Variants in CDYL2 observed in about 807,000 individuals in gnomAD.
The protein encoded by CDYL2 is chromodomain Y like 2.
A neutral mutation model predicts 49.4 loss-of-function variants in CDYL2; 23 were observed. That is an observed-to-expected ratio of 0.47 (90% CI 0.34 to 0.66). The LOEUF is 0.66. CDYL2 is among the 30% of genes least tolerant of loss of function. The pLI, the probability that CDYL2 is intolerant of heterozygous loss-of-function variation, is 0.01. For synonymous variants in CDYL2, 360 were observed against 268.8 expected, an observed-to-expected ratio of 1.34 and a Z score of -3.32; for missense variants, 678 against 656.4, an observed-to-expected ratio of 1.03 and a Z score of -0.36.
rs369550037 is a variant in CDYL2, at chr16:80,766,582, A to G, written c.24+37568T>C. On this transcript the variant is annotated intron_variant, in intron 1 of 6. Coordinates refer to ENST00000570137, the MANE Select transcript of CDYL2 (RefSeq NM_152342.4). ...AATAACCCAATCCCAATACAACCCAATGAGGCAGGCACTACTCTTACTCAA... is the reference window on the plus strand; with the variant it reads ...AATAACCCAATCCCAATACAACCCAGTGAGGCAGGCACTACTCTTACTCAA... Among the ~76,000 whole-genome samples the G allele has an allele frequency of 2.6e-3, 402 of 152,266 alleles. 1 individual carries two copies. Among genetic ancestry groups the G allele is most frequent in the African/African-American group, 9.3e-3 (386 of 41,534 alleles).
intron 6 of CDYL2, among the ~76,000 whole-genome samples, chr16:80,607,058 G>A (rs2142358192): frequency 6.6e-6 from 1 of 152,204 alleles, no homozygotes; most frequent in East Asian, 1.9e-4. Flanking sequence ...GAGAGTCCCA[G>A]ACAAGGTGGG....
chr16:80,802,864 G>T (rs1453143522), intron 1 of CDYL2, among the ~76,000 whole-genome samples: 1 of 152,258 alleles, frequency 6.6e-6, no homozygotes, highest in Non-Finnish European at 1.5e-5. Context: ...TCTGTCGTGG[G>T]TGGATCACCC....
At chr16:80,795,226 G>A (rs975067638) in intron 1 of CDYL2, among the ~76,000 whole-genome samples, 1 of 152,108 alleles carries the variant, frequency 6.6e-6, no homozygotes, top group Non-Finnish European at 1.5e-5. Flanking sequence ...GTGTAGCCCA[G>A]GGTCCCAGTC....
At chr16:80,758,142 G>A (rs1848044447) in intron 1 of CDYL2, among the ~76,000 whole-genome samples, 2 of 152,144 alleles carry the variant, frequency 1.3e-5, no homozygotes, top group African/African-American at 4.8e-5. Flanking sequence ...TGGTAAATGT[G>A]AGATTTCATA....
At chr16:80,778,719 CA>C (rs1362255467) in intron 1 of CDYL2, among the ~76,000 whole-genome samples, 1 of 151,744 alleles carries the variant, frequency 6.6e-6, no homozygotes, top group East Asian at 1.9e-4. Flanking sequence ...CAGAAATAAA[CA>C]AAAAATTTTG....
intron 1 of CDYL2, among the ~76,000 whole-genome samples, chr16:80,749,085 A>G (rs1906039678): frequency 6.6e-6 from 1 of 152,216 alleles, no homozygotes; most frequent in African/African-American, 2.4e-5. Context: ...AGCAAAACAG[A>G]GCTAAAGAAA....
chr16:80,784,279 A>G (rs1482242388), intron 1 of CDYL2, among the ~76,000 whole-genome samples: 1 of 152,182 alleles, frequency 6.6e-6, no homozygotes, highest in Non-Finnish European at 1.5e-5. Context: ...TGTTTTTAAT[A>G]GACATGTTTA....
chr16:80,739,912 T>G (rs1201988389), intron 1 of CDYL2, among the ~76,000 whole-genome samples: 1 of 152,220 alleles, frequency 6.6e-6, no homozygotes, highest in Non-Finnish European at 1.5e-5. Context: ...GCAGCCCAAG[T>G]CTGTGGAGCA....
intron 1 of CDYL2, among the ~76,000 whole-genome samples, chr16:80,790,533 T>C (rs1907575654): frequency 6.6e-6 from 1 of 152,250 alleles, no homozygotes; most frequent in Admixed American, 6.5e-5. Context: ...ACAGCTCTCA[T>C]ATATACCATA....
chr16:80,802,978 G>A (rs77674374), intron 1 of CDYL2, among the ~76,000 whole-genome samples: 2,487 of 152,260 alleles, frequency 0.016, 79 homozygotes, highest in African/African-American at 0.057. Context: ...TTTATGTTCC[G>A]GGAAGTGCAG....
chr16:80,650,266 C>T (rs1022199160), intron 2 of CDYL2, among the ~76,000 whole-genome samples: 3 of 152,052 alleles, frequency 2.0e-5, no homozygotes, highest in African/African-American at 4.8e-5. Context: ...TCAAACAACT[C>T]TATTGGAAAA....
chr16:80,789,041 C>A (rs1436808107), intron 1 of CDYL2, among the ~76,000 whole-genome samples: 1 of 152,028 alleles, frequency 6.6e-6, no homozygotes. Context: ...CACTAATCAT[C>A]AGAGAATTCA....
chr16:80,671,290 G>C (rs1222247808), intron 2 of CDYL2, among the ~76,000 whole-genome samples: 3 of 152,198 alleles, frequency 2.0e-5, no homozygotes, highest in East Asian at 1.9e-4. Context: ...AGGAAGGCCA[G>C]AGTGGCTGAC....
intron 1 of CDYL2, among the ~76,000 whole-genome samples, chr16:80,698,610 GAA>G (rs1904286267): frequency 6.6e-6 from 1 of 152,124 alleles, no homozygotes; most frequent in South Asian, 2.1e-4. Flanking sequence ...CAGTTCTCAT[GAA>G]TAAACTGCCA....
chr16:80,765,701 T>A (rs993118943), intron 1 of CDYL2, among the ~76,000 whole-genome samples: 3 of 125,684 alleles, frequency 2.4e-5, no homozygotes, highest in African/African-American at 9.4e-5. Context: ...CAAAATGTAA[T>A]CTATCCATAC....
chr16:80,676,963 ATTTT>A (rs35188796), intron 2 of CDYL2, among the ~76,000 whole-genome samples: 52 of 60,092 alleles, frequency 8.7e-4, no homozygotes, highest in African/African-American at 2.5e-3. Flanking sequence ...AATTCAATGT[ATTTT>A]TTTTTTTTTT....
intron 2 of CDYL2, among the ~76,000 whole-genome samples, chr16:80,664,756 G>A (rs1909189968): frequency 6.6e-6 from 1 of 152,134 alleles, no homozygotes; most frequent in South Asian, 2.1e-4. Context: ...CTGAATCCTG[G>A]AACAGCCACC....
In CDYL2 at chr16:80,685,248, G is replaced by A; in HGVS notation, c.25-119C>T. 4 of 729,502 alleles carry A rather than the reference G, an allele frequency of 5.5e-6. No homozygotes were observed. In the South Asian group the frequency reaches 7.3e-5, roughly 13 times the overall value. 45.2% of individuals were successfully genotyped at this position (729,502 alleles called of 1,614,324 possible). ...GAGGCATCTACCCTAGCCAGGGGGT[G>A]AGCCACGAGCCATTCAATGCCAGAA... On this transcript the variant is annotated intron_variant, in intron 1 of 6. Coordinates refer to ENST00000570137, the MANE Select transcript of CDYL2 (RefSeq NM_152342.4).
rs538414024 is a variant in CDYL2, at chr16:80,607,281, G to C, written c.1362+811C>G. 3.3e-5 allele frequency among the ~76,000 whole-genome samples: 5 copies of C among 151,426 alleles called. No individual in the cohort carries two copies. In the South Asian group the frequency reaches 6.2e-4, roughly 19 times the overall value. ...CAGTCAGGGATGAGGCCCAGCAGGA[G>C]AAAGACTTAAACACAGTAGGTGCCA... On this transcript the variant is annotated intron_variant, in intron 6 of 6. Transcript: ENST00000570137.
Sources: gnomAD v4.1 joint callset for allele counts (sites outside exome capture counted in the v4.1 genomes callset) on GRCh38, gnomAD v4.1.1 for gene constraint, MANE v1.5 for transcripts, NCBI Gene and HGNC (gene_info 2026-07-23, HGNC 2026-07-21) for gene names.